The following DAAM1 variants were observed in gnomAD, a reference collection of about 807,000 sequenced individuals.
The protein encoded by DAAM1 is disheveled-associated activator of morphogenesis 1.
In DAAM1, 52 loss-of-function variants were observed where a neutral mutation model predicts 130.0. The ratio of observed to expected loss-of-function variants is 0.40; its 90% CI spans 0.32 to 0.50. DAAM1 has a LOEUF of 0.50. Ranked by LOEUF, DAAM1 falls within the 20% of genes least tolerant of loss-of-function variation. The probability of loss-of-function intolerance (pLI) is 0.61; values close to 1 mark genes in which losing one functional copy is unlikely to be tolerated. For missense variants in DAAM1, 1,134 were observed against 1,303.8 expected (o/e 0.87, Z 2.01); for synonymous variants, 452 against 444.5 (o/e 1.02, Z -0.21).
At chr14:59,281,401 C>A (rs1883213020) in intron 2 of DAAM1, among the ~76,000 whole-genome samples, 1 of 152,182 alleles carries the variant, frequency 6.6e-6, no homozygotes, top group Non-Finnish European at 1.5e-5. Flanking sequence ...CTTTGTGCCC[C>A]TTCCCCAAGC....
intron 23 of DAAM1, among the ~76,000 whole-genome samples, chr14:59,365,819 ATT>A (rs1442514524): frequency 1.3e-5 from 2 of 152,200 alleles, no homozygotes; most frequent in African/African-American, 4.8e-5. Flanking sequence ...GGAAAAATGT[ATT>A]TGACTTTGAA....
intron 1 of DAAM1, among the ~76,000 whole-genome samples, chr14:59,205,037 TTTA>T (rs1888219580): frequency 6.6e-6 from 1 of 152,222 alleles, no homozygotes; most frequent in Admixed American, 6.5e-5. Flanking sequence ...TTAAAAACAT[TTTA>T]TTATTGAACA....
At chr14:59,211,967 T>G (rs77216140) in intron 1 of DAAM1, among the ~76,000 whole-genome samples, 9,393 of 152,306 alleles carry the variant, frequency 0.062, 384 homozygotes, top group Non-Finnish European at 0.09. Context: ...AAACACTCCT[T>G]TTATTTTCTG....
chr14:59,343,358 G>C (rs555525568), intron 16 of DAAM1, among the ~76,000 whole-genome samples: 36 of 152,356 alleles, frequency 2.4e-4, no homozygotes, highest in African/African-American at 7.7e-4. Flanking sequence ...GGACAGCCTG[G>C]AGAGAGATGA....
intron 24 of DAAM1, among the ~76,000 whole-genome samples, chr14:59,368,250 GAC>G (rs1340796501): frequency 6.7e-6 from 1 of 148,404 alleles, no homozygotes; most frequent in African/African-American, 2.5e-5. Flanking sequence ...TTCCACAGTA[GAC>G]ACAAGCTAAG....
intron 2 of DAAM1, among the ~76,000 whole-genome samples, chr14:59,267,660 C>A (rs1049031071): frequency 6.6e-6 from 1 of 152,038 alleles, no homozygotes; most frequent in Non-Finnish European, 1.5e-5. Context: ...ATCCATAAAC[C>A]ATCACTCCTC....
chr14:59,231,959 A>G (rs1294835325), intron 1 of DAAM1, among the ~76,000 whole-genome samples: 1 of 152,178 alleles, frequency 6.6e-6, no homozygotes, highest in African/African-American at 2.4e-5. Context: ...TGGTGGGCAC[A>G]TTTGAGAAAT....
intron 3 of DAAM1, among the ~76,000 whole-genome samples, chr14:59,312,840 T>G (rs1020962634): frequency 3.9e-5 from 6 of 152,218 alleles, no homozygotes; most frequent in African/African-American, 1.4e-4. Flanking sequence ...AAGTTCTCTT[T>G]CCTAGTGAAG....
At chr14:59,308,409 C>A (rs1407635798) in intron 3 of DAAM1, among the ~76,000 whole-genome samples, 1 of 152,116 alleles carries the variant, frequency 6.6e-6, no homozygotes, top group Non-Finnish European at 1.5e-5. Context: ...GGTCATTGTT[C>A]ATAGGAGAGA....
At chr14:59,355,487 T>G (rs1248499055) in intron 20 of DAAM1, among the ~76,000 whole-genome samples, 154 bp downstream of exon 20, 1 of 152,168 alleles carries the variant, frequency 6.6e-6, no homozygotes, top group Non-Finnish European at 1.5e-5. Context: ...TGACATTGAC[T>G]CTTCTCTAAA....
In DAAM1 at chr14:59,340,246, CAT is replaced by C. The variant is rs1288859879; in HGVS notation, c.2075+67_2075+68del. On this transcript the variant is annotated intron_variant, in intron 16 of 24. Coordinates refer to ENST00000360909, the MANE Select transcript of DAAM1 (RefSeq NM_001270520.2). ...ATTTCCATTCTGTGGCTCAAAACCA[CAT>C]GTTAGTGATTTTGTTTTAATTGTAC... 2.8e-5 allele frequency: 42 copies of C among 1,476,118 alleles called. No homozygotes were observed. In the Middle Eastern group the frequency reaches 6.9e-4, roughly 24 times the overall value. The allele number at this position is 1,476,118 out of a possible 1,614,324, so 91.4% of individuals were successfully genotyped here. A position where few individuals can be genotyped will look rare whatever the true frequency, so the allele number is the denominator to read the frequency against.
Position 59,368,873 on chromosome 14 carries a change from CTTTT to C in DAAM1, c.*19_*22del, listed in dbSNP as rs549891331. The C allele has an allele frequency of 3.1e-6, 5 of 1,610,620 alleles. No homozygotes were observed. The Admixed American group carries it at 8.4e-5, about 27-fold the overall frequency. On this transcript the variant is annotated 3_prime_UTR_variant, in exon 25 of 25. Transcript: ENST00000360909. Reference sequence around the variant, plus strand: ...CTTAATTTCTAATTTTCCATGAATACTTTTTTTTAGAAAGCTCATTAGCAGCCCT... The same window carrying C: ...CTTAATTTCTAATTTTCCATGAATACTTTTAGAAAGCTCATTAGCAGCCCT...
chr14:59,341,051 A>T (rs1457617290), intron 16 of DAAM1, among the ~76,000 whole-genome samples: 1 of 152,154 alleles, frequency 6.6e-6, no homozygotes, highest in Non-Finnish European at 1.5e-5. Context: ...TATTATTTAG[A>T]TGTTCTTAGA....
chr14:59,336,460 A>G (rs1022746977), intron 15 of DAAM1, among the ~76,000 whole-genome samples: 5 of 152,226 alleles, frequency 3.3e-5, no homozygotes. Flanking sequence ...AGCTTTCAAA[A>G]AGAATGTTAA....
At chr14:59,204,962 C>T in intron 1 of DAAM1, among the ~76,000 whole-genome samples, 1 of 152,182 alleles carries the variant, frequency 6.6e-6, no homozygotes, top group Non-Finnish European at 1.5e-5. Context: ...AAAATGATCC[C>T]CCCATCAGAT....
At chr14:59,333,425 T>C (rs1249205753) in intron 15 of DAAM1, among the ~76,000 whole-genome samples, 1 of 152,248 alleles carries the variant, frequency 6.6e-6, no homozygotes, top group Non-Finnish European at 1.5e-5. Flanking sequence ...AAAAGTTGTC[T>C]TTAGAGTCCT....
chr14:59,259,442 GCTTA>G (rs2139498314), intron 1 of DAAM1, among the ~76,000 whole-genome samples: 1 of 152,290 alleles, frequency 6.6e-6, no homozygotes, highest in Admixed American at 6.5e-5. Context: ...GCCTATTTTA[GCTTA>G]CTTAATTTTC....
chr14:59,350,202 G>A (rs1025343962), intron 17 of DAAM1, among the ~76,000 whole-genome samples: 18 of 151,992 alleles, frequency 1.2e-4, no homozygotes, highest in African/African-American at 3.6e-4. Flanking sequence ...CCCCACTTCC[G>A]TCCCATTAGG....
intron 1 of DAAM1, among the ~76,000 whole-genome samples, chr14:59,232,099 G>T (rs1465194673): frequency 1.3e-5 from 2 of 152,294 alleles, no homozygotes; most frequent in Non-Finnish European, 2.9e-5. Context: ...GATTTCTCCA[G>T]CAGTGCTGCT....
Sources: allele counts gnomAD v4.1 joint callset (sites outside exome capture counted in the v4.1 genomes callset), GRCh38; gene constraint gnomAD v4.1.1; transcripts MANE v1.5; gene names NCBI Gene and HGNC (gene_info 2026-07-23, HGNC 2026-07-21).